AP1G1: variants seen among roughly 807,000 people sequenced by gnomAD.
AP1G1 encodes AP-1 complex subunit gamma-1.
Under a neutral mutation model 108.3 loss-of-function variants are expected in AP1G1, and 7 were observed. The ratio of observed to expected loss-of-function variants is 0.06; its 90% CI spans 0.04 to 0.12. The LOEUF (loss-of-function observed/expected upper bound fraction) is 0.12, where lower values mean the gene tolerates loss of function less well. Ranked by LOEUF, AP1G1 falls within the 10% of genes least tolerant of loss-of-function variation. The probability of loss-of-function intolerance (pLI) is 1.00; values close to 1 mark genes in which losing one functional copy is unlikely to be tolerated. For synonymous variants in AP1G1, 379 were observed against 353.5 expected (o/e 1.07, Z -0.81); for missense variants, 756 against 1,010.7 (o/e 0.75, Z 3.42).
At chr16:71,733,845 T>TA (rs774097072) in intron 22 of AP1G1, among the ~76,000 whole-genome samples, 21 of 152,306 alleles carry the variant, frequency 1.4e-4, no homozygotes, top group Admixed American at 9.2e-4. Context: ...CATAAAATTT[T>TA]AAAAAATGAC....
At chr16:71,757,341 C>T (rs1017356346) in intron 11 of AP1G1, among the ~76,000 whole-genome samples, 1 of 151,632 alleles carries the variant, frequency 6.6e-6, no homozygotes, top group African/African-American at 2.4e-5. Flanking sequence ...ATCCCAGGTA[C>T]TTGAGAGGCT....
intron 15 of AP1G1, 98 bp from the exon 16 acceptor site, chr16:71,748,476 TC>T: frequency 7.4e-7 from 1 of 1,354,202 alleles, no homozygotes; most frequent in Non-Finnish European, 1.0e-6. Context: ...AGAAAGACAA[TC>T]CTACCGTTAC....
Position 71,730,691 on chromosome 16 carries a change from T to C in AP1G1, c.*2367A>G, listed in dbSNP as rs145308652. 4.6e-3 allele frequency: 710 copies of C among 152,794 alleles called. 4 individuals carry two copies. Among genetic ancestry groups the C allele is most frequent in the Non-Finnish European group, 5.4e-3 (370 of 68,046 alleles). 9.5% of individuals were successfully genotyped at this position (152,794 alleles called of 1,614,324 possible). A position where few individuals can be genotyped will look rare whatever the true frequency, so the allele number is the denominator to read the frequency against. ...CAACCATCAGTATCCTAGGCAGTTA[T>C]TTGGCTGCTAGTCCTTCAGTATGGT... On this transcript the variant is annotated 3_prime_UTR_variant, in exon 23 of 23. Transcript: ENST00000299980.
chr16:71,773,138 G>C (rs1410333972), intron 4 of AP1G1, 83 bp downstream of exon 4: 3 of 1,468,994 alleles, frequency 2.0e-6, no homozygotes, highest in African/African-American at 2.8e-5. Flanking sequence ...ATTATCATCA[G>C]ATCTTTCAAA....
chr16:71,772,311 A>C (rs1171362612), intron 4 of AP1G1, among the ~76,000 whole-genome samples: 1 of 151,982 alleles, frequency 6.6e-6, no homozygotes, highest in East Asian at 1.9e-4. Context: ...TTGTATTTTT[A>C]GTAGAGACGG....
chr16:71,775,019 C>CTTTTTT (rs748508767), intron 2 of AP1G1, among the ~76,000 whole-genome samples: 1 of 69,734 alleles, frequency 1.4e-5, no homozygotes, highest in Non-Finnish European at 2.5e-5. Context: ...CCGCGCCTGG[C>CTTTTTT]TTTTTTTTTT....
At chr16:71,741,458 C>T (rs1000376158) in intron 19 of AP1G1, among the ~76,000 whole-genome samples, 43 of 152,096 alleles carry the variant, frequency 2.8e-4, no homozygotes, top group African/African-American at 9.4e-4. Context: ...TGGCACGCGC[C>T]TATAGTCCCA....
chr16:71,736,117 A>AAAAAAAAAAAAT (rs1555550846), intron 21 of AP1G1, among the ~76,000 whole-genome samples: 65 of 71,620 alleles, frequency 9.1e-4, no homozygotes, highest in East Asian at 1.4e-3. Context: ...AAAAAAAAAA[A>AAAAAAAAAAAAT]ATATATATAT....
chr16:71,746,096 G>C (rs185126963), intron 17 of AP1G1, among the ~76,000 whole-genome samples: 1 of 151,814 alleles, frequency 6.6e-6, no homozygotes, highest in Admixed American at 6.6e-5. Flanking sequence ...TGAAACATCC[G>C]CCTCCCAGGT....
chr16:71,770,806 T>A (rs2031541566), intron 5 of AP1G1, among the ~76,000 whole-genome samples: 1 of 152,240 alleles, frequency 6.6e-6, no homozygotes, highest in South Asian at 2.1e-4. Flanking sequence ...GATAATGGAA[T>A]TTTTTCTTTT....
intron 21 of AP1G1, among the ~76,000 whole-genome samples, chr16:71,737,184 C>T (rs1329201884): frequency 2.6e-5 from 4 of 152,182 alleles, no homozygotes; most frequent in Non-Finnish European, 5.9e-5. Flanking sequence ...CATAGAGGTT[C>T]AGTGACTTTC....
intron 21 of AP1G1, among the ~76,000 whole-genome samples, chr16:71,737,967 T>C (rs371293402): frequency 7.2e-5 from 11 of 152,254 alleles, no homozygotes; most frequent in African/African-American, 1.9e-4. Flanking sequence ...AAAGACCAGA[T>C]AGCAGCCTAA....
In AP1G1 at chr16:71,794,866, C is replaced by CTTTTTTTTTTTTTTTT. The variant is rs2032528877; in HGVS notation, c.-3-5385_-3-5384insAAAAAAAAAAAAAAAA. 4.7e-3 allele frequency among the ~76,000 whole-genome samples: 221 copies of CTTTTTTTTTTTTTTTT among 46,608 alleles called. 1 individual carries two copies. The highest frequency in any genetic ancestry group is 5.9e-3 in the Non-Finnish European group (143 of 24,346). 30.6% of individuals were successfully genotyped at this position (46,608 alleles called of 152,430 possible). A position where few individuals can be genotyped will look rare whatever the true frequency, so the allele number is the denominator to read the frequency against. On this transcript the variant is annotated intron_variant, in intron 1 of 22. Transcript: ENST00000299980. ...TTTTTTTTTTTTTTTTTTTTTTTTA[C>CTTTTTTTTTTTTTTTT]TTTGAAATGCCTATTTTTCCCACTA...
At chr16:71,795,926 T>G in intron 1 of AP1G1, among the ~76,000 whole-genome samples, 1 of 152,144 alleles carries the variant, frequency 6.6e-6, no homozygotes, top group Non-Finnish European at 1.5e-5. Context: ...ACTTCACTGT[T>G]TGAATAGGAG....
chr16:71,769,427 G>T (rs990741561), intron 6 of AP1G1, 196 bp downstream of exon 6: 1 of 568,082 alleles, frequency 1.8e-6, no homozygotes. Flanking sequence ...TTATGAAAGG[G>T]AAAACACAAT....
intron 6 of AP1G1, chr16:71,767,805 G>C: frequency 7.0e-7 from 1 of 1,435,030 alleles, no homozygotes; most frequent in Non-Finnish European, 9.7e-7. Context: ...AGCCACATTT[G>C]TGGATCGATA....
intron 3 of AP1G1, among the ~76,000 whole-genome samples, chr16:71,773,893 G>C (rs1235596982): frequency 4.7e-5 from 7 of 150,078 alleles, no homozygotes; most frequent in Admixed American, 4.6e-4. Flanking sequence ...CTCTCAAGTA[G>C]CTGGGACTAC....
At chr16:71,754,236 GAAGA>G (rs1327969090) in intron 12 of AP1G1, among the ~76,000 whole-genome samples, 2 of 149,126 alleles carry the variant, frequency 1.3e-5, no homozygotes, top group Non-Finnish European at 3.0e-5. Flanking sequence ...AAAAGAAAGG[GAAGA>G]AAGAGAAGAG....
At chr16:71,804,447 C>T (rs2032926969) in intron 1 of AP1G1, among the ~76,000 whole-genome samples, 1 of 131,014 alleles carries the variant, frequency 7.6e-6, no homozygotes, top group African/African-American at 2.9e-5. Context: ...CTCCATCTGT[C>T]ACCCAGGCTG....
Sources: gnomAD v4.1 joint callset for allele counts (sites outside exome capture counted in the v4.1 genomes callset) on GRCh38, gnomAD v4.1.1 for gene constraint, MANE v1.5 for transcripts, NCBI Gene and HGNC (gene_info 2026-07-23, HGNC 2026-07-21) for gene names.